The following TAF3 variants were observed in gnomAD, a reference collection of about 807,000 sequenced individuals.
TAF3 encodes the protein TATA-box binding protein associated factor 3, also known as transcription initiation factor TFIID subunit 3.
A neutral mutation model predicts 80.6 loss-of-function variants in TAF3; 7 were observed. That is an observed-to-expected ratio of 0.09 (90% CI 0.05 to 0.16). The LOEUF (loss-of-function observed/expected upper bound fraction) is 0.16, where lower values mean the gene tolerates loss of function less well. Among genes scored for constraint, TAF3 ranks in the 10% least tolerant of loss-of-function variants. The pLI is 1.00. For synonymous variants in TAF3, 444 were observed against 446.1 expected (o/e 1.00, Z 0.06); for missense variants, 921 against 1,140.2 (o/e 0.81, Z 2.77).
intron 1 of TAF3, among the ~76,000 whole-genome samples, chr10:7,819,990 ACT>A (rs2131094362): frequency 6.6e-6 from 1 of 152,028 alleles, no homozygotes; most frequent in Admixed American, 6.5e-5. Flanking sequence ...AAAAATCGAA[ACT>A]CTTAGCAGTA....
intron 2 of TAF3, among the ~76,000 whole-genome samples, chr10:7,948,397 A>T (rs1026597443): frequency 6.6e-6 from 1 of 151,842 alleles, no homozygotes; most frequent in Admixed American, 6.6e-5. Context: ...CCTTCGTCTG[A>T]TTTTAAGAAT....
chr10:8,000,118 T>G (rs1327461509), intron 4 of TAF3, among the ~76,000 whole-genome samples: 1 of 152,166 alleles, frequency 6.6e-6, no homozygotes, highest in African/African-American at 2.4e-5. Context: ...TTTCATCTTT[T>G]TCGTTGTTTT....
At chr10:7,904,121 A>G (rs1837584875) in intron 2 of TAF3, among the ~76,000 whole-genome samples, 3 of 152,164 alleles carry the variant, frequency 2.0e-5, no homozygotes, top group South Asian at 2.1e-4. Context: ...TGAACTTCAC[A>G]CTGAACTTGT....
Position 7,839,078 on chromosome 10 carries a change from T to A in TAF3, c.409+14518T>A, listed in dbSNP as rs78026233. ...ACAGGGCCCTGTGTGATCGGACTCC[T>A]GCCCACTTGACATGTTAGTTACTTG... On this transcript the variant is annotated intron_variant, in intron 2 of 6. Coordinates refer to ENST00000344293, the MANE Select transcript of TAF3 (RefSeq NM_031923.4). 7.5e-3 allele frequency among the ~76,000 whole-genome samples: 1,141 copies of A among 152,132 alleles called. 20 individuals carry two copies. The highest frequency in any genetic ancestry group is 0.027 in the African/African-American group (1,100 of 41,476).
chr10:7,979,387 G>C (rs1201825457), intron 4 of TAF3, among the ~76,000 whole-genome samples: 1 of 148,746 alleles, frequency 6.7e-6, no homozygotes, highest in African/African-American at 2.5e-5. Context: ...GGCATTGATA[G>C]TTATATTCAA....
chr10:7,880,729 A>G (rs1338491538), intron 2 of TAF3, among the ~76,000 whole-genome samples: 1 of 151,966 alleles, frequency 6.6e-6, no homozygotes, highest in East Asian at 1.9e-4. Flanking sequence ...TTCTATTCTG[A>G]CCACCAAGGT....
intron 2 of TAF3, among the ~76,000 whole-genome samples, chr10:7,928,301 A>AT (rs1369534674): frequency 1.3e-5 from 2 of 152,166 alleles, no homozygotes; most frequent in Non-Finnish European, 2.9e-5. Flanking sequence ...GCCACATAGG[A>AT]AGTACTTAAG....
chr10:7,987,765 C>T (rs1831792495), intron 4 of TAF3, among the ~76,000 whole-genome samples: 1 of 152,176 alleles, frequency 6.6e-6, no homozygotes. Flanking sequence ...AAAGCTAGAT[C>T]CATTCTTCTC....
intron 3 of TAF3, among the ~76,000 whole-genome samples, chr10:7,971,902 A>T (rs188032062): frequency 2.0e-5 from 3 of 152,328 alleles, no homozygotes; most frequent in Admixed American, 2.0e-4. Flanking sequence ...TGAAAGAAGT[A>T]TTGCTTCTAC....
rs543321317 is a variant in TAF3, at chr10:7,818,551, G to C, written c.-159G>C. 4.3e-6 allele frequency: 3 copies of C among 695,302 alleles called. No homozygotes were observed. Among genetic ancestry groups the C allele is most frequent in the East Asian group, 3.4e-5 (1 of 29,640 alleles). The allele number at this position is 695,302 out of a possible 1,614,324, so 43.1% of individuals were successfully genotyped here. A position where few individuals can be genotyped will look rare whatever the true frequency, so the allele number is the denominator to read the frequency against. ...AAAATGGCGGCTCTCAGGCTGGCGC[G>C]CTCCGTGCTGCTGGGGCTTTGAGGT... is the stretch of plus-strand genomic sequence containing the variant. On this transcript the variant is annotated 5_prime_UTR_variant, in exon 1 of 7. Coordinates refer to ENST00000344293, the MANE Select transcript of TAF3 (RefSeq NM_031923.4).
intron 2 of TAF3, among the ~76,000 whole-genome samples, chr10:7,940,730 G>A (rs1188930599): frequency 6.6e-6 from 1 of 152,144 alleles, no homozygotes; most frequent in Admixed American, 6.5e-5. Context: ...TGAGATGGGA[G>A]GATCATTTGA....
chr10:7,990,496 C>CT (rs879834913), intron 4 of TAF3, among the ~76,000 whole-genome samples: 5 of 152,148 alleles, frequency 3.3e-5, no homozygotes, highest in Non-Finnish European at 5.9e-5. Context: ...ACCGCTACAT[C>CT]TTTTTTCTCG....
rs149506987 is a variant in TAF3 at position 7,956,175 on chromosome 10, T to A, written c.410-7745T>A. On this transcript the variant is annotated intron_variant, in intron 2 of 6. Transcript: ENST00000344293. The stretch of plus-strand genomic sequence containing the variant: ...AGTATTCTTACAACTTTTCTACGTT[T>A]GAAATTATTTCAAATTTAAAAATTA... Among the ~76,000 whole-genome samples the A allele has an allele frequency of 3.7e-3, 566 of 152,278 alleles. 4 individuals are homozygous for A. Among genetic ancestry groups the A allele is most frequent in the South Asian group, 0.02 (96 of 4,826 alleles).
chr10:7,996,329 T>G (rs980493523), intron 4 of TAF3, among the ~76,000 whole-genome samples: 4 of 152,248 alleles, frequency 2.6e-5, no homozygotes, highest in Admixed American at 6.5e-5. Flanking sequence ...CTCCCCACAG[T>G]GTAGCTGGCT....
At chr10:7,886,752 T>A (rs1837412301) in intron 2 of TAF3, among the ~76,000 whole-genome samples, 2 of 152,234 alleles carry the variant, frequency 1.3e-5, no homozygotes, top group Non-Finnish European at 2.9e-5. Context: ...ACATGACCTC[T>A]GCCTTCAAGA....
chr10:7,851,810 G>C (rs544554384), intron 2 of TAF3, among the ~76,000 whole-genome samples: 1 of 151,992 alleles, frequency 6.6e-6, no homozygotes, highest in South Asian at 2.1e-4. Context: ...TTCAAGACAG[G>C]GTCTCACTCT....
chr10:7,959,307 G>C (rs116295636), intron 2 of TAF3, among the ~76,000 whole-genome samples: 1 of 151,948 alleles, frequency 6.6e-6, no homozygotes, highest in Admixed American at 6.6e-5. Context: ...ACCTTTGTTT[G>C]TTCTAAAAAA....
intron 2 of TAF3, among the ~76,000 whole-genome samples, chr10:7,876,478 C>T (rs1228539996): frequency 5.3e-5 from 8 of 152,064 alleles, no homozygotes; most frequent in Non-Finnish European, 7.4e-5. Flanking sequence ...TTATAAGAAT[C>T]GAATATGAAA....
At chr10:7,989,354 C>T (rs1389607954) in intron 4 of TAF3, among the ~76,000 whole-genome samples, 1 of 152,180 alleles carries the variant, frequency 6.6e-6, no homozygotes, top group Non-Finnish European at 1.5e-5. Context: ...TAGAGACAGG[C>T]AAACCCAGCA....
Sources: gnomAD v4.1 joint callset for allele counts (sites outside exome capture counted in the v4.1 genomes callset) on GRCh38, gnomAD v4.1.1 for gene constraint, MANE v1.5 for transcripts, NCBI Gene and HGNC (gene_info 2026-07-23, HGNC 2026-07-21) for gene names.